The following HEMK2 variants were observed in gnomAD, a reference collection of about 807,000 sequenced individuals.
HEMK2 encodes the protein HemK methyltransferase 2, ETF1 glutamine and histone H4 lysine, also known as methyltransferase HEMK2.
the HEMK2 span, among the ~76,000 whole-genome samples, chr21:28,824,841 A>C: frequency 6.6e-6 from 1 of 151,998 alleles, no homozygotes; most frequent in African/African-American, 2.4e-5. Context: ...CTATTTCTCC[A>C]TTTTTCTGTC....
the HEMK2 span, among the ~76,000 whole-genome samples, chr21:28,846,000 A>G: frequency 6.6e-6 from 1 of 152,136 alleles, no homozygotes; most frequent in Admixed American, 6.5e-5. Context: ...CTTTGTGTCC[A>G]TATGTACTCA....
chr21:28,650,633 G>C, the HEMK2 span, among the ~76,000 whole-genome samples: 1 of 152,142 alleles, frequency 6.6e-6, no homozygotes, highest in Non-Finnish European at 1.5e-5. Flanking sequence ...GCAACTGTGT[G>C]AGATGAGTTC....
chr21:28,602,158 G>C, the HEMK2 span, among the ~76,000 whole-genome samples: 316 of 152,154 alleles, frequency 2.1e-3, 1 homozygote, highest in African/African-American at 7.2e-3. Flanking sequence ...TTTCTTCTTG[G>C]AAAACTGGGC....
the HEMK2 span, among the ~76,000 whole-genome samples, chr21:28,604,280 G>T: frequency 2.0e-5 from 3 of 152,180 alleles, no homozygotes; most frequent in South Asian, 6.2e-4. Flanking sequence ...GGGGCTGGGG[G>T]AGGGATAGCA....
the HEMK2 span, among the ~76,000 whole-genome samples, chr21:28,601,604 ATCTCTCTCTCTCTCTC>A: frequency 4.7e-5 from 6 of 126,782 alleles, no homozygotes; most frequent in East Asian, 9.4e-4. Context: ...ACCTTCTGAC[ATCTCTCTCTCTCTCTC>A]TCTCTCTCTC....
At chr21:28,859,668 T>C in the HEMK2 span, among the ~76,000 whole-genome samples, 3 of 152,194 alleles carry the variant, frequency 2.0e-5, no homozygotes, top group Non-Finnish European at 4.4e-5. Flanking sequence ...CTGATAGTTA[T>C]GGGGACCTCA....
At chr21:28,755,871 T>TATGC in the HEMK2 span, among the ~76,000 whole-genome samples, 45 of 152,324 alleles carry the variant, frequency 3.0e-4, no homozygotes, top group Middle Eastern at 3.4e-3. Flanking sequence ...CAGATGCCTA[T>TATGC]ATGCATATAC....
the HEMK2 span, among the ~76,000 whole-genome samples, chr21:28,771,518 A>ACCCCCCCCCCCCCCCCCCCCC: frequency 4.7e-5 from 5 of 105,586 alleles, no homozygotes; most frequent in Non-Finnish European, 6.0e-5. Context: ...AAGATGCACC[A>ACCCCCCCCCCCCCCCCCCCCC]CCCCCCCCCG....
At chr21:28,774,297 A>G in the HEMK2 span, among the ~76,000 whole-genome samples, 1 of 152,198 alleles carries the variant, frequency 6.6e-6, no homozygotes, top group Admixed American at 6.5e-5. Flanking sequence ...ATATTAAGAC[A>G]TGCCCATAAA....
the HEMK2 span, among the ~76,000 whole-genome samples, chr21:28,788,119 T>C: frequency 1.4e-5 from 2 of 142,988 alleles, no homozygotes; most frequent in Non-Finnish European, 3.0e-5. Flanking sequence ...CCATCATATA[T>C]GTATATATGT....
chr21:28,595,446 T>C, the HEMK2 span, among the ~76,000 whole-genome samples: 13 of 152,186 alleles, frequency 8.5e-5, no homozygotes, highest in Non-Finnish European at 1.3e-4. Context: ...TGTCTTTCTG[T>C]GCCTGGCTTA....
At chr21:28,731,338 T>C in the HEMK2 span, among the ~76,000 whole-genome samples, 1 of 152,152 alleles carries the variant, frequency 6.6e-6, no homozygotes, top group African/African-American at 2.4e-5. Context: ...ATATCCAATT[T>C]CTGAAAAAGT....
chr21:28,764,156 A>T, the HEMK2 span, among the ~76,000 whole-genome samples: 1 of 152,014 alleles, frequency 6.6e-6, no homozygotes, highest in Non-Finnish European at 1.5e-5. Context: ...TTTACACTCA[A>T]ATCCTTATCT....
At chr21:28,665,800 G>A in the HEMK2 span, among the ~76,000 whole-genome samples, 5 of 151,748 alleles carry the variant, frequency 3.3e-5, no homozygotes, top group Admixed American at 6.6e-5. Context: ...TGTTTATTGC[G>A]GCACTATTCA....
chr21:28,639,790 A>G, the HEMK2 span, among the ~76,000 whole-genome samples: 1 of 152,368 alleles, frequency 6.6e-6, no homozygotes, highest in East Asian at 1.9e-4. Context: ...CTGATTAAGA[A>G]AATCTGGTTT....
chr21:28,863,310 C>T, the HEMK2 span, among the ~76,000 whole-genome samples: 15,606 of 150,250 alleles, frequency 0.1, 1,164 homozygotes, highest in African/African-American at 0.21. Context: ...CCTAGTTCCT[C>T]AGTTTTGGAA....
the HEMK2 span, among the ~76,000 whole-genome samples, chr21:28,700,674 A>AGTTCTT: frequency 6.6e-6 from 1 of 152,164 alleles, no homozygotes; most frequent in African/African-American, 2.4e-5. Context: ...AACCAGAAAA[A>AGTTCTT]GTCCAGGACC....
the HEMK2 span, among the ~76,000 whole-genome samples, chr21:28,863,787 A>G: frequency 6.6e-6 from 1 of 152,016 alleles, no homozygotes. Context: ...CCTTGGCCTC[A>G]CTGAACACTT....
At chr21:28,777,703 C>T in the HEMK2 span, among the ~76,000 whole-genome samples, 4 of 152,072 alleles carry the variant, frequency 2.6e-5, no homozygotes, top group Non-Finnish European at 4.4e-5. Flanking sequence ...AAATGAAGGA[C>T]CTTTGTTGTT....
Sources: gnomAD v4.1 joint callset for allele counts (sites outside exome capture counted in the v4.1 genomes callset) on GRCh38, gnomAD v4.1.1 for gene constraint, MANE v1.5 for transcripts, NCBI Gene and HGNC (gene_info 2026-07-23, HGNC 2026-07-21) for gene names.